The following SNTB1 variants were observed in gnomAD, a reference collection of about 807,000 sequenced individuals.
SNTB1 encodes syntrophin beta 1.
Under a neutral mutation model 48.9 loss-of-function variants are expected in SNTB1, and 36 were observed. That is an observed-to-expected ratio of 0.74 (90% CI 0.56 to 0.97). SNTB1 has a LOEUF of 0.97. Ranked by LOEUF, SNTB1 falls within the 50% of genes least tolerant of loss-of-function variation. SNTB1 has a pLI of 0.00. For synonymous variants in SNTB1, 299 were observed against 294.6 expected (o/e 1.01, Z -0.15); for missense variants, 786 against 703.4 (o/e 1.12, Z -1.33).
At chr8:120,652,838 G>C (rs1817431061) in intron 2 of SNTB1, among the ~76,000 whole-genome samples, 1 of 152,090 alleles carries the variant, frequency 6.6e-6, no homozygotes, top group Non-Finnish European at 1.5e-5. Context: ...GTAAATGGGG[G>C]AAAAAACTAC....
intron 3 of SNTB1, among the ~76,000 whole-genome samples, chr8:120,603,156 G>T (rs1816450967): frequency 6.6e-6 from 1 of 151,058 alleles, no homozygotes; most frequent in Non-Finnish European, 1.5e-5. Flanking sequence ...AGGCTGGAAT[G>T]CAGTGGCGCG....
chr8:120,755,176 G>GAA (rs1587136500), intron 1 of SNTB1, among the ~76,000 whole-genome samples: 2 of 99,162 alleles, frequency 2.0e-5, no homozygotes, highest in East Asian at 8.2e-4. Context: ...GTGTGTGAGA[G>GAA]AGAGAGAGAG....
intron 3 of SNTB1, among the ~76,000 whole-genome samples, chr8:120,605,728 G>A (rs1816502765): frequency 6.6e-6 from 1 of 152,180 alleles, no homozygotes; most frequent in African/African-American, 2.4e-5. Flanking sequence ...AAGCCCCAGT[G>A]TAATATTAGT....
intron 2 of SNTB1, among the ~76,000 whole-genome samples, chr8:120,648,958 T>C (rs1817355110): frequency 6.6e-6 from 1 of 151,190 alleles, no homozygotes; most frequent in African/African-American, 2.4e-5. Flanking sequence ...GTTGATCGCA[T>C]CGGCTCCTGA....
intron 3 of SNTB1, among the ~76,000 whole-genome samples, chr8:120,614,848 C>G (rs1816686381): frequency 6.6e-6 from 1 of 151,630 alleles, no homozygotes; most frequent in African/African-American, 2.4e-5. Context: ...GGCATTCTAC[C>G]AACACGGCTC....
Position 120,672,133 on chromosome 8 carries a change from A to G in SNTB1, c.788+21559T>C, listed in dbSNP as rs577768770. On this transcript the variant is annotated intron_variant, in intron 2 of 6. Coordinates refer to ENST00000517992, the MANE Select transcript of SNTB1 (RefSeq NM_021021.4). Reference sequence around the variant, plus strand: ...AGATGATTTTGCTCAACTGTAGGCTAATGTAAGTGTTCTGAGCATGTTTAA... The same window carrying G: ...AGATGATTTTGCTCAACTGTAGGCTGATGTAAGTGTTCTGAGCATGTTTAA... Among the ~76,000 whole-genome samples, 4 of 151,882 alleles carry G rather than the reference A, an allele frequency of 2.6e-5. No individual in the cohort carries two copies. The East Asian group carries it at 7.7e-4, about 29-fold the overall frequency.
chr8:120,601,378 C>A (rs1047224080), intron 3 of SNTB1, among the ~76,000 whole-genome samples: 1 of 152,036 alleles, frequency 6.6e-6, no homozygotes, highest in African/African-American at 2.4e-5. Flanking sequence ...TGGATGAGAC[C>A]GTTTGAAATT....
At chr8:120,682,449 T>C (rs533049766) in intron 2 of SNTB1, among the ~76,000 whole-genome samples, 1 of 152,310 alleles carries the variant, frequency 6.6e-6, no homozygotes, top group South Asian at 2.1e-4. Flanking sequence ...AACCATTTAG[T>C]ACTTGTTTCC....
At chr8:120,793,855 A>T (rs1375271063) in intron 1 of SNTB1, among the ~76,000 whole-genome samples, 1 of 152,076 alleles carries the variant, frequency 6.6e-6, no homozygotes, top group Non-Finnish European at 1.5e-5. Flanking sequence ...AGAGTTTTTG[A>T]AATGTTCATA....
At chr8:120,583,560 C>CACACACACACACAA (rs1466831833) in intron 3 of SNTB1, among the ~76,000 whole-genome samples, 1 of 134,712 alleles carries the variant, frequency 7.4e-6, no homozygotes, top group African/African-American at 2.7e-5. Context: ...CACACACACA[C>CACACACACACACAA]AAAACTGGAA....
chr8:120,681,536 C>A (rs951751269), intron 2 of SNTB1, among the ~76,000 whole-genome samples: 3 of 152,048 alleles, frequency 2.0e-5, no homozygotes, highest in African/African-American at 7.2e-5. Context: ...AAAAGAGGGC[C>A]CTAAATGAAG....
intron 1 of SNTB1, among the ~76,000 whole-genome samples, chr8:120,777,989 C>A (rs1819763690): frequency 1.3e-5 from 2 of 152,222 alleles, no homozygotes; most frequent in African/African-American, 2.4e-5. Flanking sequence ...TCCCTTTCTC[C>A]AGTCTGAAAA....
At position 120,543,693 on chromosome 8, in the gene SNTB1, G is replaced by A. The variant is rs558175886; in HGVS notation, c.1334-1693C>T. Among the ~76,000 whole-genome samples, 12 of 152,152 alleles carry A rather than the reference G, an allele frequency of 7.9e-5. No individual in the cohort carries two copies. The South Asian group carries it at 1.0e-3, about 13-fold the overall frequency. On this transcript the variant is annotated intron_variant, in intron 5 of 6. Transcript: ENST00000517992. ...AGGCGGGGAGGCCTCCAAAGTTTCC[G>A]GGAAGAAATAGAGATTTCTATTGTT...
chr8:120,729,719 T>C (rs925414585), intron 1 of SNTB1, among the ~76,000 whole-genome samples: 2 of 152,218 alleles, frequency 1.3e-5, no homozygotes, highest in Non-Finnish European at 2.9e-5. Context: ...AGCCTGAAAA[T>C]GAGAGTCCTG....
chr8:120,666,465 T>C (rs2129768134), intron 2 of SNTB1, among the ~76,000 whole-genome samples: 1 of 152,340 alleles, frequency 6.6e-6, no homozygotes, highest in Middle Eastern at 3.4e-3. Flanking sequence ...TTCCTCTTAT[T>C]ATAGATTAGT....
At chr8:120,728,203 G>A (rs1159006896) in intron 1 of SNTB1, among the ~76,000 whole-genome samples, 2 of 151,920 alleles carry the variant, frequency 1.3e-5, no homozygotes, top group South Asian at 2.1e-4. Flanking sequence ...GTTTCACCAC[G>A]GGCTGGTTTT....
chr8:120,693,747 G>A lies in SNTB1; in HGVS notation c.733C>T (p.Pro245Ser). 2 of 1,613,728 alleles carry A rather than the reference G, an allele frequency of 1.2e-6. No homozygotes were observed. The highest frequency in any genetic ancestry group is 1.7e-4 in the Middle Eastern group (1 of 6,050). ...FSFHRDRKSI[P>S]LKMCYVTRSM... ...CGAGTGACGTAGCACATTTTGAGGGGGATGCTTTTCCGGTCTCTGTGGAAG... is the reference window on the plus strand; with the variant it reads ...CGAGTGACGTAGCACATTTTGAGGGAGATGCTTTTCCGGTCTCTGTGGAAG... Residue 245 changes from proline to serine, a missense_variant, in exon 2 of 7, where the codon CCC becomes TCC. Pro to Ser is a moderately conservative substitution (Grantham distance 74). Transcript: ENST00000517992.
rs71308610 is a variant in SNTB1, at chr8:120,811,131, T to TCCC, written c.571+139_571+141dup. On this transcript the variant is annotated intron_variant, in intron 1 of 6. Transcript: ENST00000517992. ...ATGCTGCCACCCCCTGCGCCACCCT[T>TCCC]CCCCCCCCCCCAACACACACACACC... 32 of 1,014,272 alleles carry TCCC rather than the reference T, an allele frequency of 3.2e-5. No individual in the cohort carries two copies. In the Admixed American group the frequency reaches 3.7e-4, roughly 12 times the overall value. 62.8% of individuals were successfully genotyped at this position (1,014,272 alleles called of 1,614,324 possible). A position where few individuals can be genotyped will look rare whatever the true frequency, so the allele number is the denominator to read the frequency against.
intron 3 of SNTB1, 43 bp downstream of exon 3, chr8:120,632,401 T>A (rs1029700144): frequency 6.4e-7 from 1 of 1,564,794 alleles, no homozygotes; most frequent in Non-Finnish European, 8.7e-7. Flanking sequence ...GCTGGGGGAA[T>A]CTCGGGGAGG....
Sources: allele counts gnomAD v4.1 joint callset (sites outside exome capture counted in the v4.1 genomes callset), GRCh38; gene constraint gnomAD v4.1.1; transcripts MANE v1.5; gene names NCBI Gene and HGNC (gene_info 2026-07-23, HGNC 2026-07-21).